The following SPIRE1 variants were observed in gnomAD, a reference collection of about 807,000 sequenced individuals.
SPIRE1 encodes the protein spire type actin nucleation factor 1, also known as protein spire homolog 1.
Under a neutral mutation model 94.1 loss-of-function variants are expected in SPIRE1, and 40 were observed. The observed-to-expected ratio is 0.43, with a 90% confidence interval of 0.33 to 0.55. The LOEUF (loss-of-function observed/expected upper bound fraction) is 0.55, where lower values mean the gene tolerates loss of function less well. SPIRE1 is among the 20% of genes least tolerant of loss of function. The pLI is 0.06. For synonymous variants in SPIRE1, 376 were observed against 371.7 expected, an observed-to-expected ratio of 1.01 and a Z score of -0.13; for missense variants, 838 against 975.2, an observed-to-expected ratio of 0.86 and a Z score of 1.87.
intron 12 of SPIRE1, among the ~76,000 whole-genome samples, chr18:12,461,510 G>A (rs971335757): frequency 1.4e-3 from 130 of 94,344 alleles, no homozygotes; most frequent in Non-Finnish European, 2.3e-3. Context: ...ACATATGTAC[G>A]TACATACATA....
intron 1 of SPIRE1, among the ~76,000 whole-genome samples, chr18:12,648,819 G>A (rs1243640229): frequency 2.0e-5 from 3 of 146,568 alleles, no homozygotes; most frequent in African/African-American, 7.6e-5. Flanking sequence ...GAACCCAGGA[G>A]GTAGAGGTTA....
intron 2 of SPIRE1, among the ~76,000 whole-genome samples, chr18:12,598,094 A>G (rs1223190239): frequency 3.3e-5 from 5 of 152,248 alleles, no homozygotes; most frequent in Non-Finnish European, 7.3e-5. Context: ...TTCGAGATAT[A>G]TGATGTAAGA....
intron 4 of SPIRE1, among the ~76,000 whole-genome samples, chr18:12,532,627 G>A (rs1271028808): frequency 6.6e-6 from 1 of 152,088 alleles, no homozygotes; most frequent in African/African-American, 2.4e-5. Context: ...AGTATTTTGG[G>A]ATCTTCCGAA....
In SPIRE1 at chr18:12,452,497, C is replaced by T. The variant is rs145284625; in HGVS notation, c.1863G>A (p.Gln621=). 5.9e-5 allele frequency: 95 copies of T among 1,613,766 alleles called. No individual in the cohort carries two copies. Among genetic ancestry groups the T allele is most frequent in the Non-Finnish European group, 7.9e-5 (93 of 1,180,028 alleles). Residue 621 remains glutamine (Q), a synonymous_variant, in exon 15 of 17, where the codon CAG becomes CAA. Coordinates refer to ENST00000409402, the MANE Select transcript of SPIRE1 (RefSeq NM_001128626.2). ...CQFCKRPVCS[Q]CCKKMRLPSK... The stretch of plus-strand genomic sequence containing the variant: ...AAGCTTAGCTTACCTTTTTGCAACA[C>T]TGTGAGCACACCGGCCTGTAAACAA...
chr18:12,584,640 C>T (rs939228379), intron 2 of SPIRE1, among the ~76,000 whole-genome samples: 1 of 152,208 alleles, frequency 6.6e-6, no homozygotes, highest in African/African-American at 2.4e-5. Context: ...AACATCTCCC[C>T]TCAAATTAGC....
chr18:12,471,080 T>C (rs2032339256), intron 10 of SPIRE1, among the ~76,000 whole-genome samples: 2 of 136,168 alleles, frequency 1.5e-5, no homozygotes, highest in Non-Finnish European at 3.1e-5. Context: ...TTGATATGGC[T>C]ACAATCAAAA....
intron 11 of SPIRE1, among the ~76,000 whole-genome samples, chr18:12,464,326 T>C (rs1434459452): frequency 1.3e-5 from 2 of 152,140 alleles, no homozygotes; most frequent in Non-Finnish European, 1.5e-5. Context: ...TTAAAGAATT[T>C]TTGTGTATGA....
chr18:12,519,228 T>C (rs1380066609), intron 4 of SPIRE1, among the ~76,000 whole-genome samples: 3 of 152,200 alleles, frequency 2.0e-5, no homozygotes, highest in African/African-American at 7.2e-5. Flanking sequence ...CTACAGAAAT[T>C]AGAAAAACTA....
At chr18:12,452,596 T>C (rs2031301423) in intron 14 of SPIRE1, 84 bp from the exon 15 acceptor site, 1 of 1,372,792 alleles carries the variant, frequency 7.3e-7, no homozygotes, top group African/African-American at 1.4e-5. Context: ...AGTACAGTTG[T>C]AAGTTTCCAC....
At chr18:12,506,405 T>C (rs1175577817) in intron 6 of SPIRE1, 72 bp downstream of exon 6, 16 of 1,360,774 alleles carry the variant, frequency 1.2e-5, no homozygotes, top group Non-Finnish European at 1.7e-5. Context: ...ATGATCCACC[T>C]GCCTCGACCT....
chr18:12,478,410 GGT>G (rs371547589), intron 10 of SPIRE1, among the ~76,000 whole-genome samples: 6 of 150,706 alleles, frequency 4.0e-5, no homozygotes, highest in Admixed American at 2.0e-4. Flanking sequence ...GTGTAGCTAG[GGT>G]GTGTGTGTGA....
At chr18:12,661,001 G>A, upstream of SPIRE1, among the ~76,000 whole-genome samples, 1 of 152,126 alleles carries the variant, frequency 6.6e-6, no homozygotes, top group Non-Finnish European at 1.5e-5. Flanking sequence ...ATGATTTTCA[G>A]TACTCCTTAA....
intron 2 of SPIRE1, among the ~76,000 whole-genome samples, chr18:12,624,954 A>C (rs2037579256): frequency 2.6e-5 from 4 of 151,880 alleles, no homozygotes; most frequent in Admixed American, 2.6e-4. Context: ...TCAAAGGAAC[A>C]CTACTTGTAT....
intron 6 of SPIRE1, among the ~76,000 whole-genome samples, chr18:12,496,503 G>A (rs569355386): frequency 6.6e-6 from 1 of 152,166 alleles, no homozygotes; most frequent in East Asian, 1.9e-4. Context: ...GGAGGCCGAG[G>A]CAGGCGGAAC....
intron 2 of SPIRE1, among the ~76,000 whole-genome samples, chr18:12,565,372 C>CT (rs1013027068): frequency 7.2e-5 from 11 of 151,970 alleles, no homozygotes; most frequent in Admixed American, 4.6e-4. Flanking sequence ...AAAACTTTTC[C>CT]TTTTTTTTCT....
rs184809353 is a variant in SPIRE1 at position 12,645,481 on chromosome 18, T to C, written c.338-10385A>G. Among the ~76,000 whole-genome samples the C allele has an allele frequency of 2.0e-5, 3 of 152,206 alleles. No homozygotes were observed. In the East Asian group the frequency reaches 5.8e-4, roughly 29 times the overall value. On this transcript the variant is annotated intron_variant, in intron 1 of 16. Transcript: ENST00000409402. ...ATCCTTCCTCTTTCTCACCCACACA[T>C]AAAAAGTGGAAGAGCTATACCATGT...
At chr18:12,605,150 T>C (rs779524510) in intron 2 of SPIRE1, among the ~76,000 whole-genome samples, 1 of 152,226 alleles carries the variant, frequency 6.6e-6, no homozygotes, top group Non-Finnish European at 1.5e-5. Flanking sequence ...TCTGGAGATA[T>C]GTTTCACAAC....
intron 12 of SPIRE1, among the ~76,000 whole-genome samples, chr18:12,456,344 G>A (rs879391128): frequency 6.6e-5 from 10 of 152,192 alleles, no homozygotes; most frequent in Non-Finnish European, 1.5e-4. Flanking sequence ...TTAAAACTGT[G>A]CACTAAGTAA....
chr18:12,529,146 G>T (rs2034609331), intron 4 of SPIRE1, among the ~76,000 whole-genome samples: 2 of 152,174 alleles, frequency 1.3e-5, no homozygotes, highest in African/African-American at 2.4e-5. Context: ...GAGGCGGGCG[G>T]ACCACGAGGT....
Sources: gnomAD v4.1 joint callset for allele counts (sites outside exome capture counted in the v4.1 genomes callset) on GRCh38, gnomAD v4.1.1 for gene constraint, MANE v1.5 for transcripts, NCBI Gene and HGNC (gene_info 2026-07-23, HGNC 2026-07-21) for gene names.